TEX2: variants seen among roughly 807,000 people sequenced by gnomAD.
TEX2 encodes the protein testis-expressed protein 2.
In TEX2, 53 loss-of-function variants were observed where a neutral mutation model predicts 106.9. The observed-to-expected ratio is 0.50, with a 90% CI of 0.40 to 0.62. TEX2 has a LOEUF of 0.62. Among genes scored for constraint, TEX2 ranks in the 20% least tolerant of loss-of-function variants. The pLI is 0.00. For synonymous variants in TEX2, 523 were observed against 534.8 expected, an observed-to-expected ratio of 0.98 and a Z score of 0.30; for missense variants, 1,207 against 1,379.0, an observed-to-expected ratio of 0.88 and a Z score of 1.98.
intron 7 of TEX2, among the ~76,000 whole-genome samples, chr17:64,165,396 C>T (rs536928532): frequency 6.6e-6 from 1 of 152,344 alleles, no homozygotes; most frequent in African/African-American, 2.4e-5. Flanking sequence ...CCCCTGTCCC[C>T]CACCCGACCC....
intron 4 of TEX2, among the ~76,000 whole-genome samples, chr17:64,189,182 C>T (rs1004438596): frequency 2.0e-5 from 3 of 152,154 alleles, no homozygotes; most frequent in African/African-American, 4.8e-5. Context: ...AGACATAATC[C>T]CTGCCCTTGA....
At position 64,205,187 on chromosome 17, in the gene TEX2, C is replaced by T. The variant is rs1055040310; in HGVS notation, c.1644+7387G>A. Among the ~76,000 whole-genome samples the T allele has an allele frequency of 1.2e-4, 18 of 152,222 alleles. No homozygotes were observed. Among genetic ancestry groups the T allele is most frequent in the Middle Eastern group, 3.4e-3 (1 of 294 alleles). On this transcript the variant is annotated intron_variant, in intron 2 of 11. Transcript: ENST00000584379. The surrounding 1 kb of genome is among the most constrained non-coding windows in gnomAD (Gnocchi z 4.0). The stretch of plus-strand genomic sequence containing the variant: ...CACTGATTAGCCGTGCATGGTGATG[C>T]GCACATGTAATCCCAGCAACTCTGG...
chr17:64,212,246 C>T (rs147997876), intron 2 of TEX2, among the ~76,000 whole-genome samples: 1 of 152,274 alleles, frequency 6.6e-6, no homozygotes, highest in Non-Finnish European at 1.5e-5. Context: ...AATAGTGAAC[C>T]CTAACAGACT....
Position 64,242,832 on chromosome 17 carries a change from T to C in TEX2, c.-26+20336A>G, listed in dbSNP as rs536286303. Among the ~76,000 whole-genome samples, 88 of 151,990 alleles carry C rather than the reference T, an allele frequency of 5.8e-4. 1 individual carries two copies. Among genetic ancestry groups the C allele is most frequent in the African/African-American group, 2.1e-3 (85 of 41,430 alleles). On this transcript the variant is annotated intron_variant, in intron 1 of 11. Transcript: ENST00000584379. ...CAGGTGCAGGGGCTCATACCTATGA[T>C]CCCAACACGTTTGGAAGCCAAGGTG...
At position 64,154,850 on chromosome 17, in the gene TEX2, C is replaced by T. The variant is rs1442772492; in HGVS notation, c.2922G>A (p.Gly974=). The change falls in exon 9 of 12, where the codon GGG becomes GGA. Residue 974 remains glycine, a synonymous_variant. Coordinates refer to ENST00000584379, the MANE Select transcript of TEX2 (RefSeq NM_001288732.2). ...PSGGDKQLLP[G]AEGYVGGHRT... ...AGCACTGATCCACTCACCCTTCAGCCCCTGGGAGGAGCTGTTTGTCTCCCC... is the reference window on the plus strand; with the variant it reads ...AGCACTGATCCACTCACCCTTCAGCTCCTGGGAGGAGCTGTTTGTCTCCCC... 1 of 1,603,634 alleles carries T rather than the reference C, an allele frequency of 6.2e-7. No individual in the cohort carries two copies. The highest frequency in any genetic ancestry group is 1.3e-5 in the African/African-American group (1 of 74,524).
chr17:64,183,062 C>T (rs1378258270), intron 5 of TEX2, among the ~76,000 whole-genome samples: 2 of 151,884 alleles, frequency 1.3e-5, no homozygotes, highest in East Asian at 2.0e-4. Context: ...TGCACTACTA[C>T]GCCCGGCTAA....
intron 1 of TEX2, among the ~76,000 whole-genome samples, chr17:64,229,666 TATAACACAC>T (rs1162364803): frequency 5.3e-5 from 8 of 152,210 alleles, no homozygotes; most frequent in Non-Finnish European, 1.2e-4. Flanking sequence ...CAATAGTGTA[TATAACACAC>T]ATAACACACA....
chr17:64,218,920 C>G (rs778498773), intron 1 of TEX2, among the ~76,000 whole-genome samples: 1 of 152,110 alleles, frequency 6.6e-6, no homozygotes, highest in African/African-American at 2.4e-5. Context: ...GAATCTCAAC[C>G]ATGAGCTTCT....
At chr17:64,247,501 T>C (rs1555636417) in intron 1 of TEX2, among the ~76,000 whole-genome samples, 1 of 151,034 alleles carries the variant, frequency 6.6e-6, no homozygotes, top group Admixed American at 6.6e-5. Flanking sequence ...CTTCTAGGAT[T>C]TGAGGGGAGT....
rs1266377290 is a variant in TEX2 at position 64,153,174 on chromosome 17, A to G, written c.2931-20T>C. 6.3e-7 allele frequency: 1 copy of G among 1,584,668 alleles called. No individual in the cohort carries two copies. Among genetic ancestry groups the G allele is most frequent in the South Asian group, 1.1e-5 (1 of 89,512 alleles). ...ACGTACCTTCAAATGTGGAACACAAAGGGCGGTTAGCACAAACTTTGCTCT... is the reference window on the plus strand; with the variant it reads ...ACGTACCTTCAAATGTGGAACACAAGGGGCGGTTAGCACAAACTTTGCTCT... On this transcript the variant is annotated intron_variant, in intron 9 of 11. Coordinates refer to ENST00000584379, the MANE Select transcript of TEX2 (RefSeq NM_001288732.2). This position sits in a 1 kb window ranked among gnomAD's most constrained non-coding sequence, Gnocchi z 4.1.
intron 1 of TEX2, among the ~76,000 whole-genome samples, chr17:64,240,282 A>C (rs1555635625): frequency 6.7e-6 from 1 of 148,728 alleles, no homozygotes; most frequent in African/African-American, 2.6e-5. Flanking sequence ...TTTGTTAATA[A>C]ATGTTTAAAA....
chr17:64,168,899 G>A (rs1338367542), intron 7 of TEX2, among the ~76,000 whole-genome samples: 1 of 42,592 alleles, frequency 2.3e-5, no homozygotes, highest in Non-Finnish European at 4.8e-5. Flanking sequence ...CACATAGATG[G>A]TGCTTTTTTT....
chr17:64,172,452 C>T (rs781246302), intron 6 of TEX2, among the ~76,000 whole-genome samples: 3 of 152,078 alleles, frequency 2.0e-5, no homozygotes, highest in Admixed American at 2.0e-4. Flanking sequence ...GGTTGGTCTG[C>T]GTGAACTGTG....
At chr17:64,214,318 C>T (rs1018260671) in intron 1 of TEX2, 76 bp from the exon 2 acceptor site, 43 of 1,255,974 alleles carry the variant, frequency 3.4e-5, no homozygotes, top group Non-Finnish European at 4.7e-5. Context: ...CAGATAGGAG[C>T]ACAGATGAAG....
intron 4 of TEX2, 97 bp downstream of exon 4, chr17:64,193,462 G>GGCTTGGTT: frequency 1.0e-6 from 1 of 1,001,600 alleles, no homozygotes; most frequent in Non-Finnish European, 1.4e-6. Context: ...GTTCAGGGTG[G>GGCTTGGTT]GCTTCCTTCC....
intron 8 of TEX2, among the ~76,000 whole-genome samples, chr17:64,156,692 C>T (rs1370124630): frequency 6.6e-6 from 1 of 152,226 alleles, no homozygotes; most frequent in Non-Finnish European, 1.5e-5. Context: ...AGTTCTCCAT[C>T]AGTAGGATGG....
At chr17:64,161,010 A>C in intron 7 of TEX2, 77 bp from the exon 8 acceptor site, 2 of 1,482,174 alleles carry the variant, frequency 1.3e-6, no homozygotes, top group Non-Finnish European at 1.8e-6. Flanking sequence ...ACATTTAAAA[A>C]TATCTAAATA....
chr17:64,201,521 G>C (rs926889209), intron 2 of TEX2, among the ~76,000 whole-genome samples: 1 of 152,130 alleles, frequency 6.6e-6, no homozygotes, highest in Non-Finnish European at 1.5e-5. Flanking sequence ...CGATTTTACA[G>C]GTAAGAAAAG....
chr17:64,187,096 G>A (rs531156289), intron 5 of TEX2, among the ~76,000 whole-genome samples: 7 of 152,294 alleles, frequency 4.6e-5, no homozygotes, highest in Admixed American at 6.5e-5. Flanking sequence ...AGACAATCCT[G>A]TCTAGTTTGC....
Sources: allele counts gnomAD v4.1 joint callset (sites outside exome capture counted in the v4.1 genomes callset), GRCh38; gene constraint gnomAD v4.1.1; non-coding constraint Gnocchi (gnomAD v3.1); transcripts MANE v1.5; gene names NCBI Gene and HGNC (gene_info 2026-07-23, HGNC 2026-07-21).